Variants in SLC6A9 observed in about 807,000 individuals in gnomAD.
SLC6A9 encodes the protein sodium- and chloride-dependent glycine transporter 1.
SLC6A9 carries 31 observed loss-of-function variants against 70.9 expected under a neutral mutation model. That is an observed-to-expected ratio of 0.44 (90% CI 0.33 to 0.59). The LOEUF (loss-of-function observed/expected upper bound fraction) is 0.59, where lower values mean the gene tolerates loss of function less well. Ranked by LOEUF, SLC6A9 falls within the 20% of genes least tolerant of loss-of-function variation. The probability of loss-of-function intolerance (pLI) is 0.04; values close to 1 mark genes in which losing one functional copy is unlikely to be tolerated. For synonymous variants in SLC6A9, 310 were observed against 341.3 expected (o/e 0.91, Z 1.01); for missense variants, 631 against 845.2 (o/e 0.75, Z 3.14).
intron 5 of SLC6A9, 106 bp downstream of exon 5, chr1:44,008,247 C>T (rs957942552): frequency 5.2e-5 from 56 of 1,085,676 alleles, no homozygotes; most frequent in African/African-American, 1.4e-4. Flanking sequence ...AGCCCAGCAG[C>T]GGGCTGAACC....
intron 2 of SLC6A9, among the ~76,000 whole-genome samples, chr1:44,021,692 A>G (rs1349287015): frequency 1.3e-5 from 2 of 152,236 alleles, no homozygotes; most frequent in South Asian, 2.1e-4. Flanking sequence ...CTTCTGATCT[A>G]CCAGGGTATC....
chr1:44,011,740 G>A (rs577734130), intron 2 of SLC6A9: 38 of 1,613,012 alleles, frequency 2.4e-5, no homozygotes, highest in South Asian at 1.9e-4. Flanking sequence ...GGAGGGGGCC[G>A]AAGGTCAGGA....
At chr1:44,024,208 G>T (rs1238582867) in intron 2 of SLC6A9, 40 bp downstream of exon 2, 9 of 1,605,480 alleles carry the variant, frequency 5.6e-6, no homozygotes. Context: ...GCAGGGCTTG[G>T]GACTCCCGTT....
intron 5 of SLC6A9, among the ~76,000 whole-genome samples, chr1:44,006,092 T>A (rs905543157): frequency 4.6e-5 from 7 of 152,170 alleles, no homozygotes; most frequent in South Asian, 2.1e-4. Flanking sequence ...TGCACAAGGC[T>A]TTGTGTTTCT....
Position 44,018,840 on chromosome 1 carries a change from G to A in SLC6A9, c.30+5408C>T, listed in dbSNP as rs2086827943. Among the ~76,000 whole-genome samples, 1 of 152,066 alleles carries A rather than the reference G, an allele frequency of 6.6e-6. No individual in the cohort carries two copies. Among genetic ancestry groups the A allele is most frequent in the Non-Finnish European group, 1.5e-5 (1 of 68,018 alleles). ...AGCTACTCAGGAGACTGAGGAGGGAGTTTTGCTTGAGCCCAGACGTTGGAA... is the reference window on the plus strand; with the variant it reads ...AGCTACTCAGGAGACTGAGGAGGGAATTTTGCTTGAGCCCAGACGTTGGAA... On this transcript the variant is annotated intron_variant, in intron 2 of 13. Transcript: ENST00000372310. The surrounding 1 kb of genome is among the most constrained non-coding windows in gnomAD (Gnocchi z 4.2).
intron 5 of SLC6A9, among the ~76,000 whole-genome samples, chr1:44,006,383 T>A (rs1316499012): frequency 3.3e-5 from 5 of 150,612 alleles, no homozygotes; most frequent in African/African-American, 1.2e-4. Flanking sequence ...AGGTCAGGAG[T>A]TCGAGACCAG....
In SLC6A9 at chr1:44,000,620, C is replaced by T; in HGVS notation, c.1536+147G>A. 1.1e-5 allele frequency: 7 copies of T among 609,282 alleles called. No individual in the cohort carries two copies. The South Asian group carries it at 1.2e-4, about 11-fold the overall frequency. 37.7% of individuals were successfully genotyped at this position (609,282 alleles called of 1,614,324 possible). On this transcript the variant is annotated intron_variant, in intron 12 of 13. Coordinates refer to ENST00000372310, the MANE Select transcript of SLC6A9 (RefSeq NM_001024845.3). ...CACACGCCTCTCTGACTCTCTCCAA[C>T]CTCCCTCAGCCTCCCAAAGGCCAGA...
At chr1:44,023,035 A>G (rs2086916192) in intron 2 of SLC6A9, among the ~76,000 whole-genome samples, 1 of 152,108 alleles carries the variant, frequency 6.6e-6, no homozygotes, top group Admixed American at 6.6e-5. Flanking sequence ...AGGTACTTTG[A>G]GTCCCAGAAA....
At chr1:44,011,481 G>T in intron 2 of SLC6A9, 1 of 1,183,960 alleles carries the variant, frequency 8.4e-7, no homozygotes, top group Non-Finnish European at 1.2e-6. Context: ...CATGGGGAGG[G>T]CATTCTGGGA....
intron 2 of SLC6A9, among the ~76,000 whole-genome samples, chr1:44,019,404 G>A (rs150227181): frequency 5.9e-5 from 9 of 152,334 alleles, no homozygotes; most frequent in Admixed American, 2.6e-4. Context: ...AGATCCTACC[G>A]ACTCAGCTGC....
At chr1:44,011,540 G>A in intron 2 of SLC6A9, 1 of 1,609,446 alleles carries the variant, frequency 6.2e-7, no homozygotes, top group Non-Finnish European at 8.5e-7. Flanking sequence ...CATGGCTGGG[G>A]AGGGGCCCTG....
At chr1:44,012,836 T>C (rs2086619585) in intron 2 of SLC6A9, among the ~76,000 whole-genome samples, 1 of 152,098 alleles carries the variant, frequency 6.6e-6, no homozygotes, top group South Asian at 2.1e-4. Flanking sequence ...CCGGCCTGAG[T>C]GTGCCCTCTG....
At chr1:44,017,763 T>C (rs1295733610) in intron 2 of SLC6A9, among the ~76,000 whole-genome samples, 1 of 152,238 alleles carries the variant, frequency 6.6e-6, no homozygotes, top group South Asian at 2.1e-4. Flanking sequence ...AAGAAAGCCC[T>C]GGCCTAGTGA....
intron 1 of SLC6A9, among the ~76,000 whole-genome samples, chr1:44,025,792 T>A (rs1374816804): frequency 6.9e-6 from 1 of 144,972 alleles, no homozygotes; most frequent in Non-Finnish European, 1.5e-5. Context: ...AGAGCAAGAC[T>A]CCGTCTCAAA....
At chr1:43,999,747 T>C (rs803619) in intron 12 of SLC6A9, among the ~76,000 whole-genome samples, 137,732 of 152,216 alleles carry the variant, frequency 0.9, 62,553 homozygotes, top group African/African-American at 0.97. Flanking sequence ...AGGGGAAGTC[T>C]GGTGCTGAGC....
Position 43,997,763 on chromosome 1 carries a change from CA to C in SLC6A9, c.1708-25del, listed in dbSNP as rs1557663393. 2.5e-6 allele frequency: 4 copies of C among 1,597,670 alleles called. No individual in the cohort carries two copies. In the South Asian group the frequency reaches 4.5e-5, roughly 18 times the overall value. On this transcript the variant is annotated intron_variant, in intron 13 of 13. Coordinates refer to ENST00000372310, the MANE Select transcript of SLC6A9 (RefSeq NM_001024845.3). This position sits in a 1 kb window ranked among gnomAD's most constrained non-coding sequence, Gnocchi z 4.4. ...CGCTGCATGAGGTAGGCATGGGGCA[CA>C]GGGGCAGGGCACGTCAGGAGGGAGC... is the stretch of plus-strand genomic sequence containing the variant.
At chr1:44,006,457 G>A (rs111439062) in intron 5 of SLC6A9, among the ~76,000 whole-genome samples, 4,599 of 151,778 alleles carry the variant, frequency 0.03, 163 homozygotes, top group African/African-American at 0.088. Flanking sequence ...GCGTGGTGGC[G>A]GGTGCTTGTA....
intron 5 of SLC6A9, among the ~76,000 whole-genome samples, chr1:44,004,540 A>G (rs1309012804): frequency 6.6e-6 from 1 of 150,844 alleles, no homozygotes; most frequent in African/African-American, 2.4e-5. Context: ...GAGATATGGT[A>G]TCGCCATATT....
At chr1:44,021,118 T>C (rs1016209757) in intron 2 of SLC6A9, among the ~76,000 whole-genome samples, 2 of 152,204 alleles carry the variant, frequency 1.3e-5, no homozygotes, top group Admixed American at 6.5e-5. Flanking sequence ...TCTTGCCTCC[T>C]GTCCTGGGTC....
Sources: gnomAD v4.1 joint callset for allele counts (sites outside exome capture counted in the v4.1 genomes callset) on GRCh38, gnomAD v4.1.1 for gene constraint, Gnocchi (gnomAD v3.1) non-coding constraint, MANE v1.5 for transcripts, NCBI Gene and HGNC (gene_info 2026-07-23, HGNC 2026-07-21) for gene names.